The following NUDCD1 variants were observed in gnomAD, a reference collection of about 807,000 sequenced individuals.
NUDCD1 encodes nudC domain-containing protein 1.
NUDCD1 carries 60 observed loss-of-function variants against 67.8 expected under a neutral mutation model. That is an observed-to-expected ratio of 0.88 (90% CI 0.72 to 1.10). The LOEUF is 1.10. Ranked by LOEUF, NUDCD1 falls within the 50% of genes least tolerant of loss-of-function variation. The pLI is 0.00. For missense variants in NUDCD1, 643 were observed against 695.0 expected (o/e 0.93, Z 0.84); for synonymous variants, 244 against 230.8 (o/e 1.06, Z -0.52).
intron 2 of NUDCD1, chr8:109,298,598 A>G (rs1814900478): frequency 6.6e-6 from 1 of 152,242 alleles, no homozygotes. Flanking sequence ...GTCTTTCTAC[A>G]TGTAAATAAA....
chr8:109,306,183 ATATCCTCTGGTACT>A (rs1815097929), intron 2 of NUDCD1, among the ~76,000 whole-genome samples: 2 of 152,116 alleles, frequency 1.3e-5, no homozygotes, highest in Non-Finnish European at 2.9e-5. Context: ...ATCGTAGTGG[ATATCCTCTGGTACT>A]AGCCCCAATC....
intron 2 of NUDCD1, among the ~76,000 whole-genome samples, chr8:109,298,166 A>G (rs890239845): frequency 6.6e-6 from 1 of 152,230 alleles, no homozygotes; most frequent in African/African-American, 2.4e-5. Context: ...AGAATGATCA[A>G]ATCTGAGTAT....
intron 2 of NUDCD1, among the ~76,000 whole-genome samples, chr8:109,310,098 C>A (rs1045029654): frequency 6.6e-6 from 1 of 152,050 alleles, no homozygotes; most frequent in Admixed American, 6.6e-5. Context: ...AATACCACCA[C>A]CATTCTTCAC....
Position 109,245,346 on chromosome 8 carries a change from G to T in NUDCD1, c.1435C>A (p.His479Asn). The change falls in exon 9 of 10, where the codon CAC becomes AAC. Residue 479 changes from histidine to asparagine, a missense_variant. His to Asn is a moderately conservative substitution (Grantham distance 68). Coordinates refer to ENST00000239690, the MANE Select transcript of NUDCD1 (RefSeq NM_032869.4). ...HSSKQDDMWE[H>N]IATFNALGYV... is the part of the protein sequence containing the mutation. ...CCTAAAGCATTGAAAGTTGCGATGT[G>T]CTCCCACATATCATCTTGTTTGCTG... 6.2e-7 allele frequency: 1 copy of T among 1,613,594 alleles called. No individual in the cohort carries two copies. Among genetic ancestry groups the T allele is most frequent in the Non-Finnish European group, 8.5e-7 (1 of 1,179,780 alleles).
At chr8:109,247,365 TA>T (rs1813522717) in intron 8 of NUDCD1, among the ~76,000 whole-genome samples, 1 of 152,184 alleles carries the variant, frequency 6.6e-6, no homozygotes, top group East Asian at 1.9e-4. Context: ...TGAGGATTAA[TA>T]TAATTGAATG....
chr8:109,322,065 T>C (rs1234252803), intron 2 of NUDCD1, among the ~76,000 whole-genome samples: 2 of 152,222 alleles, frequency 1.3e-5, no homozygotes, highest in Admixed American at 6.5e-5. Flanking sequence ...GTATTAATAA[T>C]ATATAAAATC....
chr8:109,287,726 C>G (rs1323788958), intron 5 of NUDCD1, among the ~76,000 whole-genome samples: 1 of 151,996 alleles, frequency 6.6e-6, no homozygotes, highest in Admixed American at 6.6e-5. Flanking sequence ...AATCTAAGCA[C>G]CATGCAATAC....
rs539719409 is a variant in NUDCD1 at position 109,270,707 on chromosome 8, C to A, written c.1299+298G>T. The stretch of plus-strand genomic sequence containing the variant: ...CAATAACATGAGGAAACACTTAAGT[C>A]CATACTGTTGAATGAAAAAAAAAAA... On this transcript the variant is annotated intron_variant, in intron 8 of 9. Coordinates refer to ENST00000239690, the MANE Select transcript of NUDCD1 (RefSeq NM_032869.4). Among the ~76,000 whole-genome samples, 4 of 151,652 alleles carry A rather than the reference C, an allele frequency of 2.6e-5. No individual in the cohort carries two copies. The South Asian group carries it at 8.4e-4, about 32-fold the overall frequency.
chr8:109,251,608 A>T (rs567592781), intron 8 of NUDCD1, among the ~76,000 whole-genome samples: 1 of 152,310 alleles, frequency 6.6e-6, no homozygotes, highest in Admixed American at 6.5e-5. Flanking sequence ...TAGGATCTCC[A>T]TTGACATCCT....
At chr8:109,301,736 G>A (rs1814995735) in intron 2 of NUDCD1, among the ~76,000 whole-genome samples, 1 of 152,114 alleles carries the variant, frequency 6.6e-6, no homozygotes, top group Non-Finnish European at 1.5e-5. Context: ...TCCAATTCCA[G>A]CTCTTTGTCC....
At chr8:109,298,774 T>C (rs1368302820) in intron 2 of NUDCD1, 10 of 152,162 alleles carry the variant, frequency 6.6e-5, no homozygotes, top group Non-Finnish European at 1.3e-4. Flanking sequence ...AAATTGCAGC[T>C]CCAACTCTGA....
chr8:109,300,138 A>C (rs1814950359), intron 2 of NUDCD1, among the ~76,000 whole-genome samples: 1 of 152,200 alleles, frequency 6.6e-6, no homozygotes, highest in Admixed American at 6.5e-5. Context: ...GATAGAGCCT[A>C]CCCAAATAAG....
intron 2 of NUDCD1, among the ~76,000 whole-genome samples, chr8:109,320,832 C>T (rs960200700): frequency 2.6e-5 from 4 of 152,172 alleles, no homozygotes; most frequent in Non-Finnish European, 4.4e-5. Context: ...TTCAGCTGGT[C>T]CCTCCATTTG....
intron 2 of NUDCD1, among the ~76,000 whole-genome samples, chr8:109,311,241 G>GATAC (rs1815240521): frequency 1.3e-5 from 2 of 152,190 alleles, no homozygotes; most frequent in Non-Finnish European, 2.9e-5. Flanking sequence ...AGTCCTGCCA[G>GATAC]AATGGCCATA....
intron 6 of NUDCD1, among the ~76,000 whole-genome samples, chr8:109,279,168 T>C (rs1409339112): frequency 6.6e-6 from 1 of 152,206 alleles, no homozygotes; most frequent in African/African-American, 2.4e-5. Flanking sequence ...AAAATAGGTA[T>C]ATGTTTAACT....
At chr8:109,258,912 T>A (rs377369150) in intron 8 of NUDCD1, among the ~76,000 whole-genome samples, 1 of 152,156 alleles carries the variant, frequency 6.6e-6, no homozygotes. Flanking sequence ...TGGCAACCAA[T>A]AATTAACAAC....
rs192319765 is a variant in NUDCD1 at position 109,313,885 on chromosome 8, G to A, written c.273+8424C>T. On this transcript the variant is annotated intron_variant, in intron 2 of 9. Transcript: ENST00000239690. Reference sequence around the variant, plus strand: ...CCAATAGAATGATTAAGATACTTGAGTATCTAAATGTGAAAACAAAATTAA... The same window carrying A: ...CCAATAGAATGATTAAGATACTTGAATATCTAAATGTGAAAACAAAATTAA... 6 of 840,068 alleles carry A rather than the reference G, an allele frequency of 7.1e-6. No individual in the cohort carries two copies. In the South Asian group the frequency reaches 7.2e-5, roughly 10 times the overall value. The allele number at this position is 840,068 out of a possible 1,614,324, so 52.0% of individuals were successfully genotyped here.
chr8:109,310,015 T>C (rs1586299770), intron 2 of NUDCD1, among the ~76,000 whole-genome samples: 1 of 152,108 alleles, frequency 6.6e-6, no homozygotes, highest in Non-Finnish European at 1.5e-5. Context: ...CACTCATGGA[T>C]GGGTAGAATC....
intron 8 of NUDCD1, among the ~76,000 whole-genome samples, chr8:109,268,695 A>T (rs566113061): frequency 2.0e-5 from 3 of 152,194 alleles, no homozygotes; most frequent in Non-Finnish European, 4.4e-5. Context: ...ACCTAAAACT[A>T]TAACGTTAAG....
Sources: allele counts gnomAD v4.1 joint callset (sites outside exome capture counted in the v4.1 genomes callset), GRCh38; gene constraint gnomAD v4.1.1; transcripts MANE v1.5; gene names NCBI Gene and HGNC (gene_info 2026-07-23, HGNC 2026-07-21).